BEST3: variants seen among roughly 807,000 people sequenced by gnomAD.
BEST3 encodes bestrophin-3.
BEST3 carries 50 observed loss-of-function variants against 47.1 expected under a neutral mutation model. The ratio of observed to expected loss-of-function variants is 1.06; its 90% CI spans 0.85 to 1.34. BEST3 has a LOEUF of 1.34. Ranked by LOEUF, BEST3 falls within the 40% of genes most tolerant of loss-of-function variation. BEST3 has a pLI of 0.00. For synonymous variants in BEST3, 282 were observed against 298.8 expected (o/e 0.94, Z 0.58); for missense variants, 765 against 817.0 (o/e 0.94, Z 0.78).
At chr12:69,646,866 T>C (rs1485080907) in intron 9 of BEST3, among the ~76,000 whole-genome samples, 1 of 152,202 alleles carries the variant, frequency 6.6e-6, no homozygotes, top group Non-Finnish European at 1.5e-5. Context: ...CCAGTAAACA[T>C]GTGGATTAAT....
intron 4 of BEST3, among the ~76,000 whole-genome samples, chr12:69,690,986 A>G (rs1293908414): frequency 1.3e-5 from 2 of 151,954 alleles, no homozygotes; most frequent in African/African-American, 2.4e-5. Context: ...AACTCCTGGC[A>G]CCCATTACTT....
intron 9 of BEST3, among the ~76,000 whole-genome samples, chr12:69,670,959 G>C (rs1350335891): frequency 1.3e-5 from 2 of 151,986 alleles, no homozygotes; most frequent in Non-Finnish European, 2.9e-5. Context: ...TTATAGAACT[G>C]TACCTGATTT....
At chr12:69,660,177 T>C (rs904709012) in intron 9 of BEST3, 5 of 152,132 alleles carry the variant, frequency 3.3e-5, no homozygotes, top group African/African-American at 9.7e-5. Flanking sequence ...GCCTTTTAGG[T>C]TGTTTGAAAG....
rs1052579507 is a variant in BEST3, at chr12:69,654,264, G to GA, written c.*642dup. On this transcript the variant is annotated 3_prime_UTR_variant, in exon 10 of 10. Coordinates refer to ENST00000330891, the MANE Select transcript of BEST3 (RefSeq NM_032735.3). ...CAGCACAACCAGGGAGAAGGGAAGGGAAAAAAAGGATGACAGAATAAAAGG... is the reference window on the plus strand; with the variant it reads ...CAGCACAACCAGGGAGAAGGGAAGGGAAAAAAAAGGATGACAGAATAAAAGG... 4.1e-6 allele frequency: 4 copies of GA among 983,930 alleles called. No homozygotes were observed. The highest frequency in any genetic ancestry group is 4.8e-6 in the Non-Finnish European group (4 of 829,038). The allele number at this position is 983,930 out of a possible 1,614,324, so 60.9% of individuals were successfully genotyped here.
At chr12:69,647,266 C>T (rs1296887009) in intron 9 of BEST3, among the ~76,000 whole-genome samples, 1 of 152,152 alleles carries the variant, frequency 6.6e-6, no homozygotes, top group Non-Finnish European at 1.5e-5. Flanking sequence ...TCCGTTTCTC[C>T]TTAAACAACA....
chr12:69,645,980 A>T (rs924169963), intron 9 of BEST3, among the ~76,000 whole-genome samples: 13 of 152,200 alleles, frequency 8.5e-5, no homozygotes, highest in African/African-American at 3.1e-4. Context: ...TCTGTCACCC[A>T]GGCTGGAGTG....
chr12:69,687,116 T>C (rs1885660112), intron 4 of BEST3: 1 of 152,242 alleles, frequency 6.6e-6, no homozygotes, highest in South Asian at 2.1e-4. Flanking sequence ...CCTGAGTTGT[T>C]TGGCTTTTAA....
chr12:69,668,564 A>G lies in BEST3; in HGVS notation c.1100+2864T>C, dbSNP rs74797184. ...CTTGTATTTGGTGAGGGAACCATTC[A>G]TTGCTTAGGGAATTATCTTCTATGA... On this transcript the variant is annotated intron_variant, in intron 9 of 9. Transcript: ENST00000330891. Among the ~76,000 whole-genome samples the G allele has an allele frequency of 4.4e-3, 675 of 152,270 alleles. 6 individuals are homozygous for G. The highest frequency in any genetic ancestry group is 0.016 in the African/African-American group (667 of 41,550).
rs746322946 is a variant in BEST3, at chr12:69,672,880, C to G, written c.948+5G>C. 6.2e-7 allele frequency: 1 copy of G among 1,602,704 alleles called. No individual in the cohort carries two copies. Among genetic ancestry groups the G allele is most frequent in the Non-Finnish European group, 8.5e-7 (1 of 1,174,048 alleles). On this transcript the variant is annotated splice_donor_5th_base_variant and intron_variant, in intron 8 of 9. Coordinates refer to ENST00000330891, the MANE Select transcript of BEST3 (RefSeq NM_032735.3). ...ATTTGAAAAAGAAAGAAAAATTCCT[C>G]TAACCTGCAAATTTCTGTCAATGCA...
At chr12:69,659,500 T>C (rs1883736911) in intron 9 of BEST3, among the ~76,000 whole-genome samples, 1 of 152,062 alleles carries the variant, frequency 6.6e-6, no homozygotes, top group South Asian at 2.1e-4. Context: ...ACCGTGGGCG[T>C]GCACCACCAT....
chr12:69,687,401 G>C (rs1355462563), intron 4 of BEST3: 6 of 152,358 alleles, frequency 3.9e-5, no homozygotes, highest in Non-Finnish European at 8.8e-5. Context: ...GGGAGGCTAT[G>C]GTGGGAAGAT....
intron 8 of BEST3, among the ~76,000 whole-genome samples, chr12:69,672,387 T>G (rs710726): frequency 0.99 from 151,155 of 152,374 alleles, 74,981 homozygotes; most frequent in Middle Eastern, 1. Flanking sequence ...TCAGGGTAAG[T>G]GCCCTGGGGC....
chr12:69,684,891 C>T (rs1038666102), intron 4 of BEST3, among the ~76,000 whole-genome samples: 1 of 152,216 alleles, frequency 6.6e-6, no homozygotes, highest in South Asian at 2.1e-4. Context: ...CAGGTTTTTT[C>T]GTTTGTTTGT....
chr12:69,678,445 G>A (rs1319736071), intron 5 of BEST3, among the ~76,000 whole-genome samples: 1 of 151,914 alleles, frequency 6.6e-6, no homozygotes, highest in African/African-American at 2.4e-5. Context: ...ATAGCTTTTC[G>A]AGCCCTTGGC....
chr12:69,694,318 A>T, intron 3 of BEST3, 52 bp downstream of exon 3: 1 of 1,177,026 alleles, frequency 8.5e-7, no homozygotes, highest in Non-Finnish European at 1.2e-6. Flanking sequence ...CATCGGTGTC[A>T]TCCTAACGGA....
chr12:69,695,552 G>A (rs943045575), intron 2 of BEST3, among the ~76,000 whole-genome samples: 6 of 152,130 alleles, frequency 3.9e-5, no homozygotes, highest in African/African-American at 1.4e-4. Flanking sequence ...TGTTGCAGAG[G>A]TCTATCAGGG....
At chr12:69,693,245 C>CT (rs71094730) in intron 4 of BEST3, among the ~76,000 whole-genome samples, 52,249 of 136,662 alleles carry the variant, frequency 0.38, 10,168 homozygotes, top group East Asian at 0.65. Flanking sequence ...CTCTCTCTCT[C>CT]TTTTTTTTTT....
At chr12:69,660,777 G>C (rs1025643147) in intron 9 of BEST3, 3 of 152,200 alleles carry the variant, frequency 2.0e-5, no homozygotes, top group African/African-American at 7.2e-5. Flanking sequence ...AGCCAGTCAG[G>C]CTGGTTAGTT....
chr12:69,677,232 C>T lies in BEST3; in HGVS notation c.662G>A (p.Cys221Tyr), dbSNP rs751581328. The stretch of plus-strand genomic sequence containing the variant: ...CCAGTCATAACCGAATAAGAGGCTG[C>T]ACCAAGAGCGGTATCGATTCATTTC... ...MTEMNRYRSW[C>Y]SLLFGYDWVG... The change falls in exon 6 of 10, where the codon TGC becomes TAC. Residue 221 changes from cysteine to tyrosine, a missense_variant. By Grantham distance (194) the Cys-to-Tyr change is radical. Transcript: ENST00000330891. 6 of 1,613,332 alleles carry T rather than the reference C, an allele frequency of 3.7e-6. No homozygotes were observed. The highest frequency in any genetic ancestry group is 3.3e-5 in the Admixed American group (2 of 59,942).
Sources: gnomAD v4.1 joint callset for allele counts (sites outside exome capture counted in the v4.1 genomes callset) on GRCh38, gnomAD v4.1.1 for gene constraint, MANE v1.5 for transcripts, NCBI Gene and HGNC (gene_info 2026-07-23, HGNC 2026-07-21) for gene names.